FLRT2: variants seen among roughly 807,000 people sequenced by gnomAD.
The protein encoded by FLRT2 is leucine-rich repeat transmembrane protein FLRT2.
A neutral mutation model predicts 40.0 loss-of-function variants in FLRT2; 15 were observed. The observed-to-expected ratio is 0.38, with a 90% CI of 0.25 to 0.58. The LOEUF (loss-of-function observed/expected upper bound fraction) is 0.58. Ranked by LOEUF, FLRT2 falls within the 20% of genes least tolerant of loss-of-function variation. The pLI, the probability that FLRT2 is intolerant of heterozygous loss-of-function variation, is 0.71. For missense variants in FLRT2, 726 were observed against 840.0 expected, an observed-to-expected ratio of 0.86 and a Z score of 1.68; for synonymous variants, 380 against 336.8, an observed-to-expected ratio of 1.13 and a Z score of -1.41.
intron 1 of FLRT2, among the ~76,000 whole-genome samples, chr14:85,588,743 T>G (rs562173158): frequency 6.6e-6 from 1 of 152,270 alleles, no homozygotes; most frequent in African/African-American, 2.4e-5. Flanking sequence ...CCATTAACGA[T>G]ACTTACTTTT....
intron 1 of FLRT2, among the ~76,000 whole-genome samples, chr14:85,597,419 T>G (rs1246841903): frequency 6.6e-6 from 1 of 152,192 alleles, no homozygotes; most frequent in Non-Finnish European, 1.5e-5. Context: ...TAAGTTTGTC[T>G]TTTTATTTGT....
Position 85,636,541 on chromosome 14 carries a change from T to C in FLRT2, c.*13044T>C, listed in dbSNP as rs2139392205. The C allele has an allele frequency of 6.6e-6, 1 of 152,138 alleles. No homozygotes were observed. Among genetic ancestry groups the C allele is most frequent in the East Asian group, 1.9e-4 (1 of 5,188 alleles). 9.4% of individuals were successfully genotyped at this position (152,138 alleles called of 1,614,324 possible). On this transcript the variant is annotated 3_prime_UTR_variant, in exon 2 of 2. Transcript: ENST00000330753. ...AAGTAATTACTCTAAAGGAAATCTG[T>C]TTTAAAAAGCCAGTATAAACTGAAA...
intron 1 of FLRT2, among the ~76,000 whole-genome samples, chr14:85,603,991 G>A (rs1362680301): frequency 6.6e-6 from 1 of 152,152 alleles, no homozygotes; most frequent in African/African-American, 2.4e-5. Flanking sequence ...AAACATGGCT[G>A]CTTTAACAGA....
rs1893841330 is a variant in FLRT2 at position 85,630,494 on chromosome 14, C to T, written c.*6997C>T. ...GCCTTTGTTGGTTTAGTTTTGATTT[C>T]ATTCAGCAAATATTTACCGAGGCCT... On this transcript the variant is annotated 3_prime_UTR_variant, in exon 2 of 2. Coordinates refer to ENST00000330753, the MANE Select transcript of FLRT2 (RefSeq NM_013231.6). 1 of 152,056 alleles carries T rather than the reference C, an allele frequency of 6.6e-6. No homozygotes were observed. The highest frequency in any genetic ancestry group is 1.5e-5 in the Non-Finnish European group (1 of 67,994). 9.4% of individuals were successfully genotyped at this position (152,056 alleles called of 1,614,324 possible).
At chr14:85,589,215 C>T (rs760789182) in intron 1 of FLRT2, among the ~76,000 whole-genome samples, 1 of 152,180 alleles carries the variant, frequency 6.6e-6, no homozygotes, top group African/African-American at 2.4e-5. Flanking sequence ...TTATGCTAAC[C>T]TGCATTCCCA....
chr14:85,600,627 A>C (rs1892343444), intron 1 of FLRT2, among the ~76,000 whole-genome samples: 1 of 152,190 alleles, frequency 6.6e-6, no homozygotes, highest in African/African-American at 2.4e-5. Flanking sequence ...AGACCATTAG[A>C]TTTTCTATTA....
rs116421491 is a variant in FLRT2 at position 85,601,724 on chromosome 14, A to G, written c.-376-19415A>G. 1.9e-3 allele frequency among the ~76,000 whole-genome samples: 285 copies of G among 152,354 alleles called. 3 individuals are homozygous for G. The highest frequency in any genetic ancestry group is 6.4e-3 in the African/African-American group (265 of 41,586). On this transcript the variant is annotated intron_variant, in intron 1 of 1. Transcript: ENST00000330753. Reference sequence around the variant, plus strand: ...TTGCCTTAGAGAGATGTGAGGATCAAACAAGATGCATCAGAGAAAACTTTG... The same window carrying G: ...TTGCCTTAGAGAGATGTGAGGATCAGACAAGATGCATCAGAGAAAACTTTG...
In FLRT2 at chr14:85,643,290, TTTTTCTTTCTTTCTTTC is replaced by T. The variant is rs1566774362; in HGVS notation, c.*19797_*19813del. The T allele has an allele frequency of 1.1e-4, 15 of 136,096 alleles. No homozygotes were observed. The highest frequency in any genetic ancestry group is 4.5e-4 in the African/African-American group (15 of 33,420). 8.4% of individuals were successfully genotyped at this position (136,096 alleles called of 1,614,324 possible). ...GAGAGAGTTCAGAGGGTATTTCTTTTTTTTCTTTCTTTCTTTCTTTCTTTCTTTCTTTCTTTCTTTCT... is the reference window on the plus strand; with the variant it reads ...GAGAGAGTTCAGAGGGTATTTCTTTTTTTCTTTCTTTCTTTCTTTCTTTCT... On this transcript the variant is annotated 3_prime_UTR_variant, in exon 2 of 2. Transcript: ENST00000330753.
At chr14:85,532,008 T>G (rs781344785) in intron 1 of FLRT2, among the ~76,000 whole-genome samples, 4 of 152,096 alleles carry the variant, frequency 2.6e-5, no homozygotes, top group African/African-American at 4.8e-5. Context: ...CTCAAATACG[T>G]GAAAGCGGTA....
At position 85,644,548 on chromosome 14, in the gene FLRT2, T is replaced by C. The variant is rs1331771433; in HGVS notation, c.*21051T>C. 1 of 152,116 alleles carries C rather than the reference T, an allele frequency of 6.6e-6. No individual in the cohort carries two copies. Among genetic ancestry groups the C allele is most frequent in the Non-Finnish European group, 1.5e-5 (1 of 68,020 alleles). The allele number at this position is 152,116 out of a possible 1,614,324, so 9.4% of individuals were successfully genotyped here. ...TGCATTCAAGAAGGTAGAAGAAAAT[T>C]CTCACTAAAACTCAGGGACATGCCA... On this transcript the variant is annotated 3_prime_UTR_variant, in exon 2 of 2. Transcript: ENST00000330753.
chr14:85,561,921 C>T (rs2235959), intron 1 of FLRT2, among the ~76,000 whole-genome samples: 54,807 of 151,882 alleles, frequency 0.36, 10,041 homozygotes, highest in Middle Eastern at 0.45. Flanking sequence ...GTTTTAGTGC[C>T]CCTAAAATTC....
chr14:85,586,430 A>G (rs114317364), intron 1 of FLRT2, among the ~76,000 whole-genome samples: 80 of 152,302 alleles, frequency 5.3e-4, no homozygotes, highest in African/African-American at 1.8e-3. Flanking sequence ...TGGAAAATGA[A>G]TAAGTTCCAG....
Position 85,638,956 on chromosome 14 carries a change from G to T in FLRT2, c.*15459G>T, listed in dbSNP as rs561169988. The T allele has an allele frequency of 4.3e-4, 66 of 152,250 alleles. No homozygotes were observed. The highest frequency in any genetic ancestry group is 1.5e-3 in the African/African-American group (62 of 41,552). The allele number at this position is 152,250 out of a possible 1,614,324, so 9.4% of individuals were successfully genotyped here. ...TTAGCTAATAATCAATTCTTTGAAC[G>T]AAGCCCAGTGAAACCAAGTTTATCA... is the stretch of plus-strand genomic sequence containing the variant. On this transcript the variant is annotated 3_prime_UTR_variant, in exon 2 of 2. Transcript: ENST00000330753.
chr14:85,615,584 T>A (rs1487087529), intron 1 of FLRT2, among the ~76,000 whole-genome samples: 1 of 152,160 alleles, frequency 6.6e-6, no homozygotes, highest in Non-Finnish European at 1.5e-5. Flanking sequence ...GGGGCTTGGT[T>A]GAAGTTTAGT....
chr14:85,594,220 C>G (rs1045359398), intron 1 of FLRT2, among the ~76,000 whole-genome samples: 1 of 152,110 alleles, frequency 6.6e-6, no homozygotes, highest in Non-Finnish European at 1.5e-5. Context: ...TAAACATACA[C>G]TAAGCATATA....
At position 85,608,093 on chromosome 14, in the gene FLRT2, C is replaced by T. The variant is rs192708227; in HGVS notation, c.-376-13046C>T. ...TTACTTTATTTTAACTCGATGCTCC[C>T]CTTAAAGACTCTGTCTCCAAATATA... On this transcript the variant is annotated intron_variant, in intron 1 of 1. Transcript: ENST00000330753. Among the ~76,000 whole-genome samples the T allele has an allele frequency of 2.0e-5, 3 of 152,116 alleles. No homozygotes were observed. The East Asian group carries it at 5.8e-4, about 29-fold the overall frequency.
chr14:85,577,939 G>A (rs936109842), intron 1 of FLRT2, among the ~76,000 whole-genome samples: 1 of 151,586 alleles, frequency 6.6e-6, no homozygotes, highest in African/African-American at 2.4e-5. Context: ...AAGGTCGTGA[G>A]CAGACTTTGG....
At chr14:85,573,304 T>TCA (rs933774317) in intron 1 of FLRT2, among the ~76,000 whole-genome samples, 19 of 151,556 alleles carry the variant, frequency 1.3e-4, no homozygotes, top group Non-Finnish European at 2.4e-4. Context: ...TACATCACAC[T>TCA]CACACATCTC....
intron 1 of FLRT2, among the ~76,000 whole-genome samples, chr14:85,541,355 T>A (rs1888975642): frequency 1.3e-5 from 2 of 152,124 alleles, no homozygotes; most frequent in African/African-American, 4.8e-5. Context: ...TCCCTCCACT[T>A]GAGGCCAGCT....
Sources: gnomAD v4.1 joint callset for allele counts (sites outside exome capture counted in the v4.1 genomes callset) on GRCh38, gnomAD v4.1.1 for gene constraint, MANE v1.5 for transcripts, NCBI Gene and HGNC (gene_info 2026-07-23, HGNC 2026-07-21) for gene names.